The following HERC1 variants were observed in gnomAD, a reference collection of about 807,000 sequenced individuals.
HERC1 encodes probable E3 ubiquitin-protein ligase HERC1.
HERC1 carries 160 observed loss-of-function variants against 554.3 expected under a neutral mutation model. The observed-to-expected ratio is 0.29, with a 90% CI of 0.25 to 0.33. The LOEUF (loss-of-function observed/expected upper bound fraction) is 0.33. Among genes scored for constraint, HERC1 ranks in the 10% least tolerant of loss-of-function variants. The pLI is 1.00. For synonymous variants in HERC1, 2,175 were observed against 2,131.7 expected (o/e 1.02, Z -0.56); for missense variants, 4,919 against 5,918.5 (o/e 0.83, Z 5.54).
chr15:63,660,605 T>G (rs1209589224), intron 46 of HERC1, among the ~76,000 whole-genome samples: 1 of 152,184 alleles, frequency 6.6e-6, no homozygotes, highest in Non-Finnish European at 1.5e-5. Flanking sequence ...CATTAGGGAA[T>G]GAGTTATTTC....
At chr15:63,829,472 T>TTTTATATA (rs1555455567) in intron 1 of HERC1, among the ~76,000 whole-genome samples, 2 of 28,454 alleles carry the variant, frequency 7.0e-5, no homozygotes, top group Non-Finnish European at 2.0e-4. Context: ...ACATATATGT[T>TTTTATATA]TATATAAATA....
At position 63,756,584 on chromosome 15, in the gene HERC1, A is replaced by C. The variant is rs1020961222; in HGVS notation, c.1386T>G (p.Ser462=). 2.5e-6 allele frequency: 4 copies of C among 1,613,860 alleles called. No individual in the cohort carries two copies. The African/African-American group carries it at 5.3e-5, about 22-fold the overall frequency. The change falls in exon 5 of 78, where the codon TCT becomes TCG. Residue 462 remains serine, a synonymous_variant. Transcript: ENST00000443617. The surrounding 1 kb of genome is among the most constrained non-coding windows in gnomAD (Gnocchi z 5.0). ...EPHRSIKKVS[S]SKGSDGHTLA... ...AAGTGTGACCATCAGATCCTTTAGA[A>C]GATGAAACCTTTTTAATGGATCTGT...
At chr15:63,667,484 A>G (rs1275507139) in intron 40 of HERC1, among the ~76,000 whole-genome samples, 1 of 152,238 alleles carries the variant, frequency 6.6e-6, no homozygotes, top group Non-Finnish European at 1.5e-5. Flanking sequence ...TACACTGGAC[A>G]TTAACAGAAC....
intron 71 of HERC1, 94 bp downstream of exon 71, chr15:63,625,891 G>T: frequency 7.7e-7 from 1 of 1,302,696 alleles, no homozygotes; most frequent in Non-Finnish European, 1.1e-6. Flanking sequence ...TTTTCCAAAG[G>T]CAGAGGGAAA....
intron 5 of HERC1, 136 bp from the exon 6 acceptor site, chr15:63,755,461 G>T: frequency 1.4e-6 from 1 of 704,518 alleles, no homozygotes; most frequent in Non-Finnish European, 2.5e-6. Context: ...AGTTGTGGAG[G>T]CTGTGTTCAG....
intron 3 of HERC1, among the ~76,000 whole-genome samples, chr15:63,759,444 G>A (rs1181046951): frequency 6.6e-6 from 1 of 152,158 alleles, no homozygotes; most frequent in Non-Finnish European, 1.5e-5. Flanking sequence ...GGCCATCCCA[G>A]TACCAATTTC....
intron 1 of HERC1, among the ~76,000 whole-genome samples, chr15:63,779,049 A>G (rs180771950): frequency 6.6e-6 from 1 of 152,222 alleles, no homozygotes. Flanking sequence ...ATGAATTATA[A>G]AAGTGTTCAA....
chr15:63,718,568 C>T lies in HERC1; in HGVS notation c.3978+6G>A. The stretch of plus-strand genomic sequence containing the variant: ...AACATAGAAATTAATTGATTTCAAA[C>T]TTTACCCATCTGTCCCGTGATGATG... On this transcript the variant is annotated splice_donor_region_variant and intron_variant, in intron 21 of 77. Coordinates refer to ENST00000443617, the MANE Select transcript of HERC1 (RefSeq NM_003922.4). This position sits in a 1 kb window ranked among gnomAD's most constrained non-coding sequence, Gnocchi z 4.2. 6.5e-7 allele frequency: 1 copy of T among 1,548,908 alleles called. No individual in the cohort carries two copies.
intron 1 of HERC1, among the ~76,000 whole-genome samples, chr15:63,810,968 T>A (rs900856647): frequency 3.3e-5 from 5 of 152,182 alleles, no homozygotes; most frequent in Non-Finnish European, 5.9e-5. Context: ...AAATTCACAT[T>A]GTAGGACATT....
chr15:63,620,008 A>T (rs1186576213), intron 74 of HERC1, among the ~76,000 whole-genome samples: 2 of 151,920 alleles, frequency 1.3e-5, no homozygotes, highest in Non-Finnish European at 2.9e-5. Flanking sequence ...TTCTGCTCTG[A>T]TCTTAGTTAT....
chr15:63,808,231 A>G (rs1226181473), intron 1 of HERC1, among the ~76,000 whole-genome samples: 1 of 152,054 alleles, frequency 6.6e-6, no homozygotes, highest in East Asian at 1.9e-4. Context: ...CAATGTAATG[A>G]TTCTGAATAA....
At position 63,665,617 on chromosome 15, in the gene HERC1, C is replaced by T. The variant is rs143266233; in HGVS notation, c.8555+302G>A. Among the ~76,000 whole-genome samples the T allele has an allele frequency of 0.011, 1,710 of 152,240 alleles. 21 individuals are homozygous for T. The highest frequency in any genetic ancestry group is 0.028 in the African/African-American group (1,145 of 41,552). The stretch of plus-strand genomic sequence containing the variant: ...AATACTCGATTTTATATCACTTGTA[C>T]GAGATAAAATTATTTTATTAGCATG... On this transcript the variant is annotated intron_variant, in intron 42 of 77. Transcript: ENST00000443617.
chr15:63,829,487 T>TATATATATATATACAC (rs2078061721), intron 1 of HERC1, among the ~76,000 whole-genome samples: 2 of 100,836 alleles, frequency 2.0e-5, no homozygotes, highest in Non-Finnish European at 4.2e-5. Context: ...TAAATATATA[T>TATATATATATATACAC]ATATATATAT....
At chr15:63,652,749 T>C (rs2069764140) in intron 51 of HERC1, among the ~76,000 whole-genome samples, 2 of 152,150 alleles carry the variant, frequency 1.3e-5, no homozygotes, top group South Asian at 2.1e-4. Context: ...ATCTCCCGTG[T>C]TTAAGCAATT....
At chr15:63,681,986 T>C (rs1402201359) in intron 34 of HERC1, among the ~76,000 whole-genome samples, 1 of 152,170 alleles carries the variant, frequency 6.6e-6, no homozygotes, top group African/African-American at 2.4e-5. Context: ...GTCTGACGAG[T>C]CCTTCTAGTG....
intron 39 of HERC1, among the ~76,000 whole-genome samples, chr15:63,670,091 A>G (rs34726252): frequency 0.47 from 71,344 of 152,082 alleles, 17,598 homozygotes; most frequent in Non-Finnish European, 0.54. Context: ...TTACTTTTAA[A>G]TATTAATATA....
rs2071985595 is a variant in HERC1, at chr15:63,689,569, T to C, written c.6048+20A>G. 3.6e-6 allele frequency: 5 copies of C among 1,376,698 alleles called. No individual in the cohort carries two copies. 85.3% of individuals were successfully genotyped at this position (1,376,698 alleles called of 1,614,324 possible). Reference sequence around the variant, plus strand: ...TTCACTTATGCTGTTAAGAAATACCTTTTAGGAAAAACCAATTACCTGTAG... The same window carrying C: ...TTCACTTATGCTGTTAAGAAATACCCTTTAGGAAAAACCAATTACCTGTAG... On this transcript the variant is annotated intron_variant, in intron 33 of 77. Transcript: ENST00000443617.
intron 32 of HERC1, 124 bp from the exon 33 acceptor site, chr15:63,689,823 C>A (rs1009262829): frequency 1.8e-6 from 1 of 551,248 alleles, no homozygotes; most frequent in Non-Finnish European, 3.2e-6. Flanking sequence ...CAGTGTTCAA[C>A]AGCTACTTTT....
Position 63,694,094 on chromosome 15 carries a change from CTGACTACA to C in HERC1, c.5536_5543del (p.Cys1846ValfsTer25). ...CAGTTTGGGACAATAAATTCTTCAA[CTGACTACA>C]GAGTAGATCCAACAAGGATTGAACT... On this transcript the variant is annotated frameshift_variant, in exon 30 of 78. Transcript: ENST00000443617. LOFTEE classifies it high-confidence loss of function. The surrounding 1 kb of genome is among the most constrained non-coding windows in gnomAD (Gnocchi z 4.3). 6.2e-7 allele frequency: 1 copy of C among 1,610,754 alleles called. No individual in the cohort carries two copies. The highest frequency in any genetic ancestry group is 8.5e-7 in the Non-Finnish European group (1 of 1,178,422).
Sources: gnomAD v4.1 joint callset for allele counts (sites outside exome capture counted in the v4.1 genomes callset) on GRCh38, gnomAD v4.1.1 for gene constraint, Gnocchi (gnomAD v3.1) non-coding constraint, MANE v1.5 for transcripts, NCBI Gene and HGNC (gene_info 2026-07-23, HGNC 2026-07-21) for gene names.